CUX1: variants seen among roughly 807,000 people sequenced by gnomAD.
CUX1 encodes the protein protein CASP.
A neutral mutation model predicts 158.8 loss-of-function variants in CUX1; 31 were observed. The ratio of observed to expected loss-of-function variants is 0.20; its 90% CI spans 0.15 to 0.26. The LOEUF (loss-of-function observed/expected upper bound fraction) is 0.26. CUX1 is among the 10% of genes least tolerant of loss of function. The probability of loss-of-function intolerance (pLI) is 1.00; values close to 1 mark genes in which losing one functional copy is unlikely to be tolerated. For synonymous variants in CUX1, 879 were observed against 862.1 expected, an observed-to-expected ratio of 1.02 and a Z score of -0.34; for missense variants, 1,589 against 2,014.6, an observed-to-expected ratio of 0.79 and a Z score of 4.04.
At chr7:102,261,320 C>T (rs782618326), downstream of CUX1, among the ~76,000 whole-genome samples, 8 of 152,182 alleles carry the variant, frequency 5.3e-5, no homozygotes, top group African/African-American at 1.9e-4. Context: ...ATGATGAAAC[C>T]CCATCTCTAC....
At chr7:102,075,414 C>A (rs1826597781) in intron 4 of CUX1, among the ~76,000 whole-genome samples, 1 of 152,214 alleles carries the variant, frequency 6.6e-6, no homozygotes, top group South Asian at 2.1e-4. Context: ...TTCCCATGCA[C>A]ACACACACCC....
intron 8 of CUX1, among the ~76,000 whole-genome samples, chr7:102,132,292 A>G: frequency 1.9e-5 from 2 of 103,344 alleles, no homozygotes; most frequent in African/African-American, 4.3e-5. Flanking sequence ...TGAGAGAGAG[A>G]GTGTGTGTGT....
chr7:102,034,550 C>T (rs531898859), intron 3 of CUX1, among the ~76,000 whole-genome samples: 62 of 152,012 alleles, frequency 4.1e-4, no homozygotes, highest in South Asian at 4.2e-4. Flanking sequence ...TTCAGGAGAT[C>T]GAGACCATCC....
At chr7:101,838,133 T>C (rs1479544505) in intron 1 of CUX1, among the ~76,000 whole-genome samples, 1 of 151,834 alleles carries the variant, frequency 6.6e-6, no homozygotes, top group African/African-American at 2.4e-5. Context: ...GTCACATTTT[T>C]TTTTTTTTTT....
At chr7:102,225,806 T>C (rs1404345742) in intron 20 of CUX1, among the ~76,000 whole-genome samples, 2 of 152,194 alleles carry the variant, frequency 1.3e-5, no homozygotes, top group Admixed American at 6.5e-5. Flanking sequence ...CAGGGCAACC[T>C]AGCAAGACCC....
intron 11 of CUX1, among the ~76,000 whole-genome samples, chr7:102,189,232 G>A (rs950646210): frequency 6.6e-6 from 1 of 151,900 alleles, no homozygotes; most frequent in East Asian, 1.9e-4. Context: ...AAAACCACAC[G>A]CTGCTTTTCA....
chr7:101,907,887 A>C (rs1467675571), intron 1 of CUX1, among the ~76,000 whole-genome samples: 1 of 151,850 alleles, frequency 6.6e-6, no homozygotes, highest in Non-Finnish European at 1.5e-5. Flanking sequence ...GAGGAGGCTG[A>C]GGTGGGAGGA....
intron 15 of CUX1, 64 bp downstream of exon 15, chr7:102,197,369 T>G (rs1483803939): frequency 6.6e-7 from 1 of 1,524,956 alleles, no homozygotes; most frequent in Non-Finnish European, 9.0e-7. Flanking sequence ...CATGTGTGTG[T>G]GCATGCGTGC....
At chr7:102,043,493 T>A (rs1271351230) in intron 3 of CUX1, among the ~76,000 whole-genome samples, 2 of 152,096 alleles carry the variant, frequency 1.3e-5, no homozygotes, top group Non-Finnish European at 2.9e-5. Context: ...AGTAAAACTT[T>A]TACCCTTTTC....
In CUX1 at chr7:102,283,409, AG is replaced by A. The variant is rs1256566737; in HGVS notation, c.*321del. 7.9e-6 allele frequency: 3 copies of A among 380,114 alleles called. No homozygotes were observed. In the Admixed American group the frequency reaches 1.1e-4, roughly 14 times the overall value. The allele number at this position is 380,114 out of a possible 1,614,324, so 23.5% of individuals were successfully genotyped here. ...TGGTGGCAGAGGTCCCTCAGCTGCGAGGCTAATTGGGTGACCACCGATTCCA... is the reference window on the plus strand; with the variant it reads ...TGGTGGCAGAGGTCCCTCAGCTGCGAGCTAATTGGGTGACCACCGATTCCA... On this transcript the variant is annotated 3_prime_UTR_variant, in exon 23 of 23. Transcript: ENST00000292538.
intron 1 of CUX1, among the ~76,000 whole-genome samples, chr7:101,819,453 T>C (rs560721430): frequency 8.5e-5 from 13 of 152,218 alleles, no homozygotes; most frequent in Non-Finnish European, 1.9e-4. Context: ...AAAGTAAACT[T>C]GAAAAGTTGC....
chr7:101,950,268 C>G (rs894108859), intron 2 of CUX1, among the ~76,000 whole-genome samples: 10 of 152,114 alleles, frequency 6.6e-5, no homozygotes, highest in Admixed American at 6.5e-5. Context: ...CCTCAGCCTC[C>G]CAAAGTGTTG....
At chr7:102,123,876 C>A (rs782122035) in intron 8 of CUX1, among the ~76,000 whole-genome samples, 3 of 151,950 alleles carry the variant, frequency 2.0e-5, no homozygotes, top group African/African-American at 7.3e-5. Context: ...GTTACCTAGG[C>A]GGGTCTTGAA....
intron 1 of CUX1, among the ~76,000 whole-genome samples, chr7:101,904,488 G>A (rs915910182): frequency 6.6e-6 from 1 of 151,994 alleles, no homozygotes; most frequent in Non-Finnish European, 1.5e-5. Flanking sequence ...TTGAATTTCC[G>A]TGATTGGGAG....
chr7:102,265,381 A>G (rs957340265), intron 14 of CUX1, among the ~76,000 whole-genome samples: 1 of 151,474 alleles, frequency 6.6e-6, no homozygotes, highest in African/African-American at 2.4e-5. Flanking sequence ...AGAAAGAAAG[A>G]AACAGACTGT....
At chr7:101,929,951 C>T (rs1054306641) in intron 2 of CUX1, among the ~76,000 whole-genome samples, 2 of 152,200 alleles carry the variant, frequency 1.3e-5, no homozygotes, top group Non-Finnish European at 2.9e-5. Context: ...AAGCGATTCT[C>T]CTACCTCAGC....
At chr7:102,227,751 A>G in intron 21 of CUX1, 82 bp downstream of exon 21, 2 of 1,399,904 alleles carry the variant, frequency 1.4e-6, no homozygotes, top group South Asian at 2.6e-5. Context: ...CCCTAGGCCA[A>G]GCCAACCACA....
At chr7:102,136,235 A>G (rs1833890414) in intron 8 of CUX1, among the ~76,000 whole-genome samples, 2 of 151,992 alleles carry the variant, frequency 1.3e-5, no homozygotes, top group Non-Finnish European at 2.9e-5. Flanking sequence ...TTTCACTCTA[A>G]TAAGTGCCAC....
At chr7:101,898,671 A>G (rs1046289279) in intron 1 of CUX1, among the ~76,000 whole-genome samples, 5 of 144,896 alleles carry the variant, frequency 3.5e-5, no homozygotes, top group African/African-American at 1.3e-4. Flanking sequence ...GCTCACTGCA[A>G]CCTCCGCCTC....
Sources: gnomAD v4.1 joint callset for allele counts (sites outside exome capture counted in the v4.1 genomes callset) on GRCh38, gnomAD v4.1.1 for gene constraint, MANE v1.5 for transcripts, NCBI Gene and HGNC (gene_info 2026-07-23, HGNC 2026-07-21) for gene names.